Variants in PCDH15 observed in about 807,000 individuals in gnomAD.
The protein encoded by PCDH15 is protocadherin related 15.
A neutral mutation model predicts 178.5 loss-of-function variants in PCDH15; 129 were observed. The observed-to-expected ratio is 0.72, with a 90% CI of 0.63 to 0.84. PCDH15 has a LOEUF of 0.84. PCDH15 is among the 40% of genes least tolerant of loss of function. PCDH15 has a pLI of 0.00. For synonymous variants in PCDH15, 800 were observed against 732.0 expected, an observed-to-expected ratio of 1.09 and a Z score of -1.50; for missense variants, 2,230 against 2,099.9, an observed-to-expected ratio of 1.06 and a Z score of -1.21.
In PCDH15 at chr10:53,810,650, T is replaced by G; in HGVS notation, c.4577A>C (p.Gln1526Pro). ...TAACAATCGACGGCGACTCCCATATTGAGGCATTTCATACCTGTAATATAA... is the reference window on the plus strand; with the variant it reads ...TAACAATCGACGGCGACTCCCATATGGAGGCATTTCATACCTGTAATATAA... ...YSYEHGYEMP[Q>P]YGSRRRLLPP... Residue 1526 changes from glutamine (Q) to proline (P), a missense_variant, in exon 37 of 38, where the codon CAA (glutamine) becomes CCA (proline). Transcript: ENST00000644397. 1 of 1,613,762 alleles carries G rather than the reference T, an allele frequency of 6.2e-7. No individual in the cohort carries two copies. Among genetic ancestry groups the G allele is most frequent in the Non-Finnish European group, 8.5e-7 (1 of 1,179,716 alleles).
chr10:55,415,915 T>C (rs189870410), intron 2 of PCDH15, among the ~76,000 whole-genome samples: 3 of 151,780 alleles, frequency 2.0e-5, no homozygotes, highest in Non-Finnish European at 4.4e-5. Context: ...GCAATATCTA[T>C]AAAGAGCCAT....
chr10:55,011,704 C>T (rs11004673), intron 2 of PCDH15, among the ~76,000 whole-genome samples: 80,136 of 151,628 alleles, frequency 0.53, 22,186 homozygotes, highest in East Asian at 0.75. Flanking sequence ...AATAGAAGTA[C>T]ATTAATAGGT....
intron 2 of PCDH15, among the ~76,000 whole-genome samples, chr10:55,552,333 C>A (rs1322187504): frequency 6.6e-6 from 1 of 151,426 alleles, no homozygotes; most frequent in Non-Finnish European, 1.5e-5. Flanking sequence ...TTCAAAATTT[C>A]TTAAAATAGA....
intron 26 of PCDH15, among the ~76,000 whole-genome samples, chr10:53,897,572 T>G (rs184381690): frequency 1.4e-5 from 2 of 144,772 alleles, no homozygotes; most frequent in Non-Finnish European, 3.0e-5. Context: ...CTTTTCAGTG[T>G]ACAGTTCATT....
chr10:54,458,480 G>T (rs1173528253), intron 3 of PCDH15, among the ~76,000 whole-genome samples: 1 of 151,766 alleles, frequency 6.6e-6, no homozygotes, highest in Non-Finnish European at 1.5e-5. Context: ...ATAACCATTC[G>T]TGGTTCTTTG....
intron 3 of PCDH15, among the ~76,000 whole-genome samples, chr10:54,400,141 T>C (rs1199571598): frequency 6.6e-6 from 1 of 152,096 alleles, no homozygotes; most frequent in Non-Finnish European, 1.5e-5. Context: ...AACTTAGAAG[T>C]CCTCTGTGTC....
At position 55,501,003 on chromosome 10, in the gene PCDH15, A is replaced by G. The variant is rs1840644310; in HGVS notation, c.-156+126622T>C. Among the ~76,000 whole-genome samples, 3 of 151,810 alleles carry G rather than the reference A, an allele frequency of 2.0e-5. No individual in the cohort carries two copies. The Admixed American group carries it at 2.0e-4, about 10-fold the overall frequency. Reference sequence around the variant, plus strand: ...ATATGTTAAAGTCCTAATCTTTAATACCTGCAGATGTGACCTTATTTGAAA... The same window carrying G: ...ATATGTTAAAGTCCTAATCTTTAATGCCTGCAGATGTGACCTTATTTGAAA... On this transcript the variant is annotated intron_variant, in intron 2 of 5. Transcript: ENST00000613346.
intron 33 of PCDH15, among the ~76,000 whole-genome samples, chr10:53,818,630 T>A (rs1295821641): frequency 6.6e-6 from 1 of 152,080 alleles, no homozygotes; most frequent in Non-Finnish European, 1.5e-5. Context: ...AGTTCACACA[T>A]CACAAGATGG....
chr10:55,081,394 G>A (rs1842039075), intron 2 of PCDH15, among the ~76,000 whole-genome samples: 1 of 152,110 alleles, frequency 6.6e-6, no homozygotes, highest in South Asian at 2.1e-4. Flanking sequence ...CCACTCTCAT[G>A]ACCTAATTAC....
rs1261422967 is a variant in PCDH15, at chr10:54,801,207, G to A, written c.-311C>T. 3 of 152,296 alleles carry A rather than the reference G, an allele frequency of 2.0e-5. No individual in the cohort carries two copies. Among genetic ancestry groups the A allele is most frequent in the Admixed American group, 6.5e-5 (1 of 15,300 alleles). 9.4% of individuals were successfully genotyped at this position (152,296 alleles called of 1,614,324 possible). A position where few individuals can be genotyped will look rare whatever the true frequency, so the allele number is the denominator to read the frequency against. Reference sequence around the variant, plus strand: ...CCACGTTCTGAGATGTATGCCACCTGCCTTAGTTACCACAAGCAACTAACA... The same window carrying A: ...CCACGTTCTGAGATGTATGCCACCTACCTTAGTTACCACAAGCAACTAACA... On this transcript the variant is annotated 5_prime_UTR_variant, in exon 1 of 38. Transcript: ENST00000644397.
chr10:53,854,840 AAGATT>A (rs1338668125), intron 28 of PCDH15, among the ~76,000 whole-genome samples: 1 of 152,066 alleles, frequency 6.6e-6, no homozygotes, highest in Non-Finnish European at 1.5e-5. Flanking sequence ...TGAGGTTGAA[AAGATT>A]AAATTATTTG....
Position 54,945,338 on chromosome 10 carries a change from A to G in PCDH15, c.-79-47838T>C, listed in dbSNP as rs1564652728. On this transcript the variant is annotated intron_variant, in intron 2 of 5. Transcript: ENST00000458638. The stretch of plus-strand genomic sequence containing the variant: ...GATGGATGTATGGATAGATAGATAG[A>G]TAGATAGATAGATGATAGATAGATA... Among the ~76,000 whole-genome samples the G allele has an allele frequency of 3.6e-5, 5 of 137,828 alleles. No individual in the cohort carries two copies. In the South Asian group the frequency reaches 1.1e-3, roughly 30 times the overall value. The allele number at this position is 137,828 out of a possible 152,430, so 90.4% of individuals were successfully genotyped here.
rs372578797 is a variant in PCDH15 at position 55,358,681 on chromosome 10, T to C, written c.-155-192030A>G. Among the ~76,000 whole-genome samples, 11 of 152,198 alleles carry C rather than the reference T, an allele frequency of 7.2e-5. No homozygotes were observed. The East Asian group carries it at 2.1e-3, about 29-fold the overall frequency. On this transcript the variant is annotated intron_variant, in intron 2 of 5. Transcript: ENST00000613346. ...TTCCCATTTTGCAGTAGATGGAATT[T>C]TGGTTTAAAGAAATTTAATGACTAA...
At position 55,090,081 on chromosome 10, in the gene PCDH15, T is replaced by C. The variant is rs554930769; in HGVS notation, c.-80+76495A>G. Reference sequence around the variant, plus strand: ...TATTAAATATTTTTGAGAAAAATAATGTCTGCAAGAAAGTTATGAAAGTAA... The same window carrying C: ...TATTAAATATTTTTGAGAAAAATAACGTCTGCAAGAAAGTTATGAAAGTAA... On this transcript the variant is annotated intron_variant, in intron 2 of 5. Transcript: ENST00000458638. Among the ~76,000 whole-genome samples the C allele has an allele frequency of 7.9e-5, 12 of 152,200 alleles. No individual in the cohort carries two copies. In the East Asian group the frequency reaches 1.9e-3, roughly 24 times the overall value.
intron 34 of PCDH15, 67 bp from the exon 35 acceptor site, chr10:53,816,344 T>C (rs767009379): frequency 3.0e-5 from 12 of 398,050 alleles, no homozygotes; most frequent in Non-Finnish European, 4.4e-5. Context: ...TAGATCATGA[T>C]TGAGAAGAGA....
intron 2 of PCDH15, among the ~76,000 whole-genome samples, chr10:55,357,144 A>G (rs956157473): frequency 6.6e-6 from 1 of 152,006 alleles, no homozygotes; most frequent in Non-Finnish European, 1.5e-5. Flanking sequence ...AACCAGAAAA[A>G]GATGTAAACA....
At chr10:54,359,861 A>C (rs917625292) in intron 5 of PCDH15, among the ~76,000 whole-genome samples, 5 of 152,098 alleles carry the variant, frequency 3.3e-5, no homozygotes, top group Non-Finnish European at 5.9e-5. Flanking sequence ...TAAAATTAAG[A>C]GCTAATTGAT....
intron 3 of PCDH15, among the ~76,000 whole-genome samples, chr10:54,381,800 A>G (rs1949267209): frequency 6.6e-6 from 1 of 152,112 alleles, no homozygotes; most frequent in South Asian, 2.1e-4. Context: ...GGCAGTTCAG[A>G]AAATGGAATT....
At chr10:53,984,122 C>CTTTTTTTTTTTTTTTT (rs57184119) in intron 21 of PCDH15, among the ~76,000 whole-genome samples, 1 of 112,686 alleles carries the variant, frequency 8.9e-6, no homozygotes, top group African/African-American at 3.6e-5. Context: ...AAGTGCTTTT[C>CTTTTTTTTTTTTTTTT]TTTTTTTTTT....
Sources: gnomAD v4.1 joint callset for allele counts (sites outside exome capture counted in the v4.1 genomes callset) on GRCh38, gnomAD v4.1.1 for gene constraint, MANE v1.5 for transcripts, NCBI Gene and HGNC (gene_info 2026-07-23, HGNC 2026-07-21) for gene names.